Variants in OIT3 observed in about 807,000 individuals in gnomAD.
OIT3 encodes the protein oncoprotein-induced transcript 3 protein.
In OIT3, 41 loss-of-function variants were observed where a neutral mutation model predicts 52.2. That is an observed-to-expected ratio of 0.79 (90% CI 0.61 to 1.02). The LOEUF (loss-of-function observed/expected upper bound fraction) is 1.02. Among genes scored for constraint, OIT3 ranks in the 50% least tolerant of loss-of-function variants. The probability of loss-of-function intolerance (pLI) is 0.00; values close to 1 mark genes in which losing one functional copy is unlikely to be tolerated. For synonymous variants in OIT3, 244 were observed against 276.9 expected (o/e 0.88, Z 1.18); for missense variants, 634 against 715.5 (o/e 0.89, Z 1.30).
intron 5 of OIT3, 41 bp from the exon 6 acceptor site, chr10:72,913,267 T>G: frequency 1.3e-6 from 2 of 1,502,670 alleles, no homozygotes; most frequent in South Asian, 1.3e-5. Flanking sequence ...TCCTCCCGAT[T>G]CAGGTTTCCT....
intron 7 of OIT3, among the ~76,000 whole-genome samples, chr10:72,927,880 C>G (rs765217734): frequency 2.0e-5 from 3 of 152,106 alleles, no homozygotes; most frequent in African/African-American, 4.8e-5. Flanking sequence ...TGAAGCCTTT[C>G]CTGGCACCTT....
chr10:72,918,245 TG>T (rs1564594548), intron 6 of OIT3: 1 of 817,046 alleles, frequency 1.2e-6, no homozygotes, highest in Non-Finnish European at 2.1e-6. Flanking sequence ...GTAAGATCAC[TG>T]GGGGTGTTAT....
intron 5 of OIT3, among the ~76,000 whole-genome samples, chr10:72,912,669 T>G (rs1846039657): frequency 6.7e-6 from 1 of 149,126 alleles, no homozygotes; most frequent in South Asian, 2.1e-4. Flanking sequence ...ACCATTGTTA[T>G]GATATGTCTT....
chr10:72,928,190 C>T (rs1460587316), intron 7 of OIT3, among the ~76,000 whole-genome samples: 1 of 152,166 alleles, frequency 6.6e-6, no homozygotes, highest in East Asian at 1.9e-4. Context: ...GGCGTATGCT[C>T]TGAGAATACA....
At position 72,932,625 on chromosome 10, in the gene OIT3, C is replaced by A; in HGVS notation, c.*101C>A. 9.2e-7 allele frequency: 1 copy of A among 1,089,508 alleles called. No homozygotes were observed. Among genetic ancestry groups the A allele is most frequent in the Admixed American group, 2.8e-5 (1 of 35,778 alleles). The allele number at this position is 1,089,508 out of a possible 1,614,324, so 67.5% of individuals were successfully genotyped here. A position where few individuals can be genotyped will look rare whatever the true frequency, so the allele number is the denominator to read the frequency against. ...ACATCTGCCAACAGCTGGGTTCAGA[C>A]TTCACACTGTGAGTTCAGACTCCCA... On this transcript the variant is annotated 3_prime_UTR_variant, in exon 9 of 9. Transcript: ENST00000334011.
At chr10:72,914,088 AGT>A (rs1481559724) in intron 6 of OIT3, among the ~76,000 whole-genome samples, 1 of 152,168 alleles carries the variant, frequency 6.6e-6, no homozygotes, top group African/African-American at 2.4e-5. Flanking sequence ...TCCAGGTGGA[AGT>A]GTGTGTGTGG....
At chr10:72,915,448 TC>T (rs1799631289) in intron 6 of OIT3, among the ~76,000 whole-genome samples, 1 of 152,184 alleles carries the variant, frequency 6.6e-6, no homozygotes, top group Non-Finnish European at 1.5e-5. Flanking sequence ...TGGGTTAGGT[TC>T]CTGTAATCCT....
chr10:72,905,524 C>T (rs1296831554), intron 3 of OIT3, among the ~76,000 whole-genome samples: 1 of 152,080 alleles, frequency 6.6e-6, no homozygotes, highest in African/African-American at 2.4e-5. Context: ...CAAACCACAG[C>T]ACCTGGTTTG....
At chr10:72,899,696 A>AGAT (rs1219453128) in intron 2 of OIT3, among the ~76,000 whole-genome samples, 2 of 140,692 alleles carry the variant, frequency 1.4e-5, no homozygotes, top group East Asian at 2.0e-4. Flanking sequence ...TTTTTAAGAT[A>AGAT]GATAGATGAT....
rs999721014 is a variant in OIT3, at chr10:72,914,557, A to T, written c.951+1089A>T. Among the ~76,000 whole-genome samples, 6 of 152,226 alleles carry T rather than the reference A, an allele frequency of 3.9e-5. No individual in the cohort carries two copies. In the South Asian group the frequency reaches 1.0e-3, roughly 26 times the overall value. ...ATGTCGATCGTATCTGTGGATAATCAAATGGACATGCCACATGGTAGGTTG... is the reference window on the plus strand; with the variant it reads ...ATGTCGATCGTATCTGTGGATAATCTAATGGACATGCCACATGGTAGGTTG... On this transcript the variant is annotated intron_variant, in intron 6 of 8. Coordinates refer to ENST00000334011, the MANE Select transcript of OIT3 (RefSeq NM_152635.3).
chr10:72,895,853 T>C (rs1356079555), intron 1 of OIT3, among the ~76,000 whole-genome samples: 1 of 152,166 alleles, frequency 6.6e-6, no homozygotes, highest in Non-Finnish European at 1.5e-5. Flanking sequence ...CGCACTGAGA[T>C]GTATAGATCA....
intron 3 of OIT3, among the ~76,000 whole-genome samples, chr10:72,903,386 T>C (rs1302991213): frequency 6.6e-6 from 1 of 152,134 alleles, no homozygotes; most frequent in African/African-American, 2.4e-5. Flanking sequence ...CCACCATGCC[T>C]GGCTAATTCT....
In OIT3 at chr10:72,932,433, G is replaced by A. The variant is rs774800449; in HGVS notation, c.1547G>A (p.Arg516Gln). ...CGCTGTGCCCAGGGTTGCCACCGGC[G>A]AATGCGTCGTGGGGCAGGAGGAGAG... The part of the protein sequence containing the change: ...RSRCAQGCHR[R>Q]MRRGAGGEDS... The change falls in exon 9 of 9, where the codon CGA (arginine) becomes CAA (glutamine). Residue 516 changes from arginine to glutamine, a missense_variant. Coordinates refer to ENST00000334011, the MANE Select transcript of OIT3 (RefSeq NM_152635.3). 8 of 1,614,086 alleles carry A rather than the reference G, an allele frequency of 5.0e-6. No individual in the cohort carries two copies. The highest frequency in any genetic ancestry group is 2.2e-5 in the East Asian group (1 of 44,888).
chr10:72,897,407 A>G (rs1244237965), intron 1 of OIT3, among the ~76,000 whole-genome samples: 2 of 152,232 alleles, frequency 1.3e-5, no homozygotes, highest in Non-Finnish European at 2.9e-5. Context: ...TGCACTAAAT[A>G]TGTATGCCTG....
At chr10:72,919,266 T>C (rs1846100961) in intron 6 of OIT3, among the ~76,000 whole-genome samples, 1 of 152,182 alleles carries the variant, frequency 6.6e-6, no homozygotes, top group Admixed American at 6.6e-5. Flanking sequence ...GTTGTTTGTA[T>C]ATAAGAATGC....
intron 8 of OIT3, among the ~76,000 whole-genome samples, chr10:72,931,478 C>A (rs1846215819): frequency 3.3e-5 from 5 of 152,082 alleles, no homozygotes; most frequent in Admixed American, 3.3e-4. Flanking sequence ...GAGAGTGAGA[C>A]CCTGTCTCTA....
chr10:72,909,784 G>A (rs1846014100), intron 4 of OIT3, among the ~76,000 whole-genome samples: 1 of 151,792 alleles, frequency 6.6e-6, no homozygotes. Context: ...ATTTTTAGTA[G>A]AGATGGGGTT....
intron 8 of OIT3, 144 bp from the exon 9 acceptor site, chr10:72,932,210 A>G (rs1393463051): frequency 1.1e-5 from 8 of 754,984 alleles, no homozygotes. Flanking sequence ...TATCTGTAAA[A>G]TGGGGATGAT....
intron 6 of OIT3, among the ~76,000 whole-genome samples, chr10:72,918,791 G>A (rs1044033006): frequency 6.6e-6 from 1 of 152,144 alleles, no homozygotes; most frequent in African/African-American, 2.4e-5. Context: ...TTGTAGGTGT[G>A]CAGTCTTATT....
Sources: gnomAD v4.1 joint callset for allele counts (sites outside exome capture counted in the v4.1 genomes callset) on GRCh38, gnomAD v4.1.1 for gene constraint, MANE v1.5 for transcripts, NCBI Gene and HGNC (gene_info 2026-07-23, HGNC 2026-07-21) for gene names.